NAALADL2: variants seen among roughly 807,000 people sequenced by gnomAD.
The protein encoded by NAALADL2 is N-acetylated alpha-linked acidic dipeptidase like 2, also known as inactive N-acetylated-alpha-linked acidic dipeptidase-like protein 2.
NAALADL2 carries 76 observed loss-of-function variants against 87.2 expected under a neutral mutation model. The ratio of observed to expected loss-of-function variants is 0.87; its 90% CI spans 0.72 to 1.05. NAALADL2 has a LOEUF of 1.05. Among genes scored for constraint, NAALADL2 ranks in the 50% least tolerant of loss-of-function variants. The pLI is 0.00. For synonymous variants in NAALADL2, 354 were observed against 331.0 expected (o/e 1.07, Z -0.75); for missense variants, 1,089 against 945.8 (o/e 1.15, Z -1.99).
Position 175,473,692 on chromosome 3 carries a change from C to T in NAALADL2, c.1653+1934C>T, listed in dbSNP as rs376065954. Among the ~76,000 whole-genome samples, 44 of 151,254 alleles carry T rather than the reference C, an allele frequency of 2.9e-4. No individual in the cohort carries two copies. In the South Asian group the frequency reaches 7.3e-3, roughly 25 times the overall value. On this transcript the variant is annotated intron_variant, in intron 9 of 13. Transcript: ENST00000454872. ...TCAAATCTATAAGTGTTAAGAGATACGAAGAAAACAAAACTTTACAGTAAT... is the reference window on the plus strand; with the variant it reads ...TCAAATCTATAAGTGTTAAGAGATATGAAGAAAACAAAACTTTACAGTAAT...
At chr3:174,896,078 C>T (rs922781986) in intron 1 of NAALADL2, among the ~76,000 whole-genome samples, 1 of 152,050 alleles carries the variant, frequency 6.6e-6, no homozygotes, top group East Asian at 1.9e-4. Flanking sequence ...AGACCCACAG[C>T]TAGTATACAA....
At chr3:175,740,119 CAAAAAATA>C (rs1422598862) in intron 12 of NAALADL2, among the ~76,000 whole-genome samples, 1 of 151,526 alleles carries the variant, frequency 6.6e-6, no homozygotes, top group Admixed American at 6.6e-5. Flanking sequence ...GAGGAGTGGC[CAAAAAATA>C]ATAGAAAAAC....
intron 2 of NAALADL2, among the ~76,000 whole-genome samples, chr3:175,098,942 C>T (rs1721653450): frequency 1.3e-5 from 2 of 150,848 alleles, no homozygotes; most frequent in South Asian, 4.2e-4. Flanking sequence ...TTTATTGACA[C>T]AATGAATACC....
chr3:175,451,144 G>A (rs1478692189), intron 6 of NAALADL2, among the ~76,000 whole-genome samples: 1 of 152,064 alleles, frequency 6.6e-6, no homozygotes, highest in Non-Finnish European at 1.5e-5. Context: ...GTATATATGA[G>A]TCAATACATT....
At chr3:174,510,771 T>C (rs1172656452) in intron 1 of NAALADL2, among the ~76,000 whole-genome samples, 1 of 151,460 alleles carries the variant, frequency 6.6e-6, no homozygotes, top group Non-Finnish European at 1.5e-5. Context: ...TTTTTTTAAC[T>C]TCCTTAAGGT....
intron 3 of NAALADL2, among the ~76,000 whole-genome samples, chr3:174,834,329 A>G (rs1474850354): frequency 6.8e-6 from 1 of 147,420 alleles, no homozygotes; most frequent in Non-Finnish European, 1.5e-5. Context: ...GGGCACCTAC[A>G]TAAACCTAGA....
At chr3:175,172,910 C>A (rs1735064679) in intron 2 of NAALADL2, among the ~76,000 whole-genome samples, 1 of 152,178 alleles carries the variant, frequency 6.6e-6, no homozygotes, top group East Asian at 1.9e-4. Flanking sequence ...AATGTGCTGT[C>A]CATTAGGAGT....
intron 1 of NAALADL2, among the ~76,000 whole-genome samples, chr3:175,080,749 C>T (rs1277108462): frequency 1.3e-5 from 2 of 152,118 alleles, no homozygotes; most frequent in Admixed American, 6.5e-5. Context: ...GATTTTTAAC[C>T]AAGACTAATT....
At chr3:174,856,179 T>C (rs1725849878), upstream of NAALADL2, among the ~76,000 whole-genome samples, 1 of 151,980 alleles carries the variant, frequency 6.6e-6, no homozygotes, top group African/African-American at 2.4e-5. Flanking sequence ...ATAATTTTTG[T>C]ATTGTTTGTT....
chr3:175,317,579 C>A (rs1560347220), intron 4 of NAALADL2, among the ~76,000 whole-genome samples: 1 of 151,890 alleles, frequency 6.6e-6, no homozygotes, highest in Non-Finnish European at 1.5e-5. Context: ...TCTCCATATC[C>A]CAATTCCAGT....
At chr3:174,735,467 T>C (rs139242263) in intron 2 of NAALADL2, among the ~76,000 whole-genome samples, 31 of 152,350 alleles carry the variant, frequency 2.0e-4, no homozygotes, top group African/African-American at 7.2e-4. Flanking sequence ...GATATGCTCT[T>C]TCTAATACAC....
intron 4 of NAALADL2, among the ~76,000 whole-genome samples, chr3:175,321,916 GGT>G (rs1328870957): frequency 6.8e-6 from 1 of 146,388 alleles, no homozygotes; most frequent in Non-Finnish European, 1.5e-5. Context: ...TACTGCCCAA[GGT>G]AATTTACAGA....
intron 5 of NAALADL2, among the ~76,000 whole-genome samples, chr3:175,354,943 T>C (rs1764184419): frequency 6.7e-6 from 1 of 150,138 alleles, no homozygotes; most frequent in Non-Finnish European, 1.5e-5. Flanking sequence ...TGTATATATA[T>C]AATTTGTGTA....
At chr3:175,550,526 GATAAA>G (rs1220425978) in intron 9 of NAALADL2, among the ~76,000 whole-genome samples, 2 of 152,112 alleles carry the variant, frequency 1.3e-5, no homozygotes, top group South Asian at 2.1e-4. Flanking sequence ...TATTTTTACT[GATAAA>G]ATAAAGATAT....
intron 5 of NAALADL2, among the ~76,000 whole-genome samples, chr3:175,400,703 T>C (rs1204484599): frequency 3.3e-5 from 5 of 152,140 alleles, no homozygotes; most frequent in Admixed American, 3.3e-4. Flanking sequence ...TTGCAGAGTA[T>C]ATATTTTATG....
At chr3:174,937,025 GAGCC>G (rs1163769161) in intron 1 of NAALADL2, among the ~76,000 whole-genome samples, 2 of 152,024 alleles carry the variant, frequency 1.3e-5, no homozygotes, top group Non-Finnish European at 2.9e-5. Flanking sequence ...TTTTAAAAAA[GAGCC>G]AGAGAGATAA....
At chr3:174,670,898 T>C (rs1328396279) in intron 2 of NAALADL2, among the ~76,000 whole-genome samples, 1 of 151,994 alleles carries the variant, frequency 6.6e-6, no homozygotes, top group Non-Finnish European at 1.5e-5. Flanking sequence ...CGAGTGGTTT[T>C]TCATTGTTTA....
At chr3:174,648,404 T>C (rs956069783) in intron 2 of NAALADL2, among the ~76,000 whole-genome samples, 2 of 152,018 alleles carry the variant, frequency 1.3e-5, no homozygotes, top group East Asian at 3.9e-4. Flanking sequence ...GTAGATATAG[T>C]GTTTGATACT....
At chr3:175,057,698 A>T (rs1253350948) in intron 1 of NAALADL2, among the ~76,000 whole-genome samples, 2 of 152,184 alleles carry the variant, frequency 1.3e-5, no homozygotes, top group Non-Finnish European at 2.9e-5. Flanking sequence ...ATGCATTCAG[A>T]TGTCAAGGTC....
Sources: gnomAD v4.1 joint callset for allele counts (sites outside exome capture counted in the v4.1 genomes callset) on GRCh38, gnomAD v4.1.1 for gene constraint, MANE v1.5 for transcripts, NCBI Gene and HGNC (gene_info 2026-07-23, HGNC 2026-07-21) for gene names.